Variants in DEFA4 observed in about 807,000 individuals in gnomAD.
DEFA4 encodes the protein defensin alpha 4.
Under a neutral mutation model 4.4 loss-of-function variants are expected in DEFA4, and 8 were observed. The observed-to-expected ratio is 1.82, with a 90% CI of 1.07 to 3.29. DEFA4 has a LOEUF of 3.29. Ranked by LOEUF, DEFA4 falls within the 30% of genes most tolerant of loss-of-function variation. DEFA4 has a pLI of 0.00. For missense variants in DEFA4, 216 were observed against 127.0 expected (o/e 1.70, Z -3.37); for synonymous variants, 77 against 46.5 (o/e 1.66, Z -2.67).
chr8:6,936,714 C>A lies in DEFA4; in HGVS notation c.172+14G>T. ...CTCTAGACTCGGTAGCTTTTTTATGCTGGCCTCTCTCACCTGAAACCTGAA... is the reference window on the plus strand; with the variant it reads ...CTCTAGACTCGGTAGCTTTTTTATGATGGCCTCTCTCACCTGAAACCTGAA... On this transcript the variant is annotated intron_variant, in intron 2 of 2. Coordinates refer to ENST00000297435, the MANE Select transcript of DEFA4 (RefSeq NM_001925.3). The A allele has an allele frequency of 1.3e-6, 2 of 1,574,278 alleles. No homozygotes were observed. Among genetic ancestry groups the A allele is most frequent in the Non-Finnish European group, 1.7e-6 (2 of 1,155,906 alleles).
At chr8:6,936,593 G>A (rs565828228) in intron 2 of DEFA4, 135 bp downstream of exon 2, 1 of 830,084 alleles carries the variant, frequency 1.2e-6, no homozygotes, top group South Asian at 2.6e-5. Flanking sequence ...ATTCAGTTTG[G>A]AGATAAGAAA....
rs370729964 is a variant in DEFA4 at position 6,935,836 on chromosome 8, A to T, written c.*184T>A. On this transcript the variant is annotated 3_prime_UTR_variant, in exon 3 of 3. Coordinates refer to ENST00000297435, the MANE Select transcript of DEFA4 (RefSeq NM_001925.3). ...AAACAAAGACATCTTGTTACGAGATATATATTTAGGATCAAGAAAGATGTT... is the reference window on the plus strand; with the variant it reads ...AAACAAAGACATCTTGTTACGAGATTTATATTTAGGATCAAGAAAGATGTT... 10 of 723,336 alleles carry T rather than the reference A, an allele frequency of 1.4e-5. No individual in the cohort carries two copies. Among genetic ancestry groups the T allele is most frequent in the East Asian group, 5.3e-5 (2 of 38,024 alleles). 44.8% of individuals were successfully genotyped at this position (723,336 alleles called of 1,614,324 possible). A position where few individuals can be genotyped will look rare whatever the true frequency, so the allele number is the denominator to read the frequency against.
Position 6,936,126 on chromosome 8 carries a change from A to G in DEFA4, c.188T>C (p.Met63Thr). ...ALQVSGSTRGMVCSCRLVFCR... is the reference protein window; with the variant it reads ...ALQVSGSTRGTVCSCRLVFCR... ...GAATACTAATCTGCAAGAGCAGACC[A>G]TGCCCCTTGTTGAGCCTGGGAACAC... Residue 63 changes from methionine (M) to threonine (T), a missense_variant, in exon 3 of 3, where the codon ATG becomes ACG. Physicochemically the swap from Met to Thr is moderately conservative, Grantham distance 81 (BLOSUM62 -1). Coordinates refer to ENST00000297435, the MANE Select transcript of DEFA4 (RefSeq NM_001925.3). The G allele has an allele frequency of 6.2e-7, 1 of 1,614,012 alleles. No individual in the cohort carries two copies. Among genetic ancestry groups the G allele is most frequent in the Non-Finnish European group, 8.5e-7 (1 of 1,180,018 alleles).
In DEFA4 at chr8:6,936,056, A is replaced by G; in HGVS notation, c.258T>C (p.Gly86=). 1 of 1,614,006 alleles carries G rather than the reference A, an allele frequency of 6.2e-7. No homozygotes were observed. The part of the protein sequence containing the change: ...ELRVGNCLIG[G]VSFTYCCTRV... ...GCGTGCAGCAGTATGTGAAACTCAC[A>G]CCACCAATGAGGCAGTTCCCAACAC... Residue 86 remains glycine (G), a synonymous_variant, in exon 3 of 3, where the codon GGT becomes GGC. Coordinates refer to ENST00000297435, the MANE Select transcript of DEFA4 (RefSeq NM_001925.3).
intron 1 of DEFA4, among the ~76,000 whole-genome samples, chr8:6,937,193 G>A (rs1239509231): frequency 6.6e-6 from 1 of 152,084 alleles, no homozygotes; most frequent in African/African-American, 2.4e-5. Flanking sequence ...CTGTTTTCAG[G>A]AAATACCTAA....
intron 1 of DEFA4, among the ~76,000 whole-genome samples, chr8:6,937,697 C>A (rs1479330401): frequency 6.6e-6 from 1 of 152,064 alleles, no homozygotes; most frequent in Non-Finnish European, 1.5e-5. Flanking sequence ...GATTTCTTGG[C>A]TATGACACCA....
chr8:6,937,467 C>G (rs781579944), intron 1 of DEFA4, among the ~76,000 whole-genome samples: 2 of 152,070 alleles, frequency 1.3e-5, no homozygotes, highest in South Asian at 2.1e-4. Context: ...AGGACAATGA[C>G]CTTATCAGGG....
intron 2 of DEFA4, 28 bp from the exon 3 acceptor site, chr8:6,936,169 T>G: frequency 6.2e-7 from 1 of 1,612,022 alleles, no homozygotes; most frequent in Non-Finnish European, 8.5e-7. Flanking sequence ...GCATGAGAAA[T>G]TAAGCACCAA....
Position 6,936,715 on chromosome 8 carries a change from T to C in DEFA4, c.172+13A>G. On this transcript the variant is annotated intron_variant, in intron 2 of 2. Transcript: ENST00000297435. ...TCTAGACTCGGTAGCTTTTTTATGC[T>C]GGCCTCTCTCACCTGAAACCTGAAG... 6.3e-7 allele frequency: 1 copy of C among 1,577,794 alleles called. No individual in the cohort carries two copies. Among genetic ancestry groups the C allele is most frequent in the Non-Finnish European group, 8.6e-7 (1 of 1,157,660 alleles).
Position 6,936,147 on chromosome 8 carries a change from A to G in DEFA4, c.173-6T>C. On this transcript the variant is annotated splice_region_variant and splice_polypyrimidine_tract_variant and intron_variant, in intron 2 of 2. Coordinates refer to ENST00000297435, the MANE Select transcript of DEFA4 (RefSeq NM_001925.3). ...GACCATGCCCCTTGTTGAGCCTGGG[A>G]ACACAGAGGAAGCATGAGAAATTAA... is the stretch of plus-strand genomic sequence containing the variant. 1.9e-6 allele frequency: 3 copies of G among 1,613,672 alleles called. No homozygotes were observed. Among genetic ancestry groups the G allele is most frequent in the Non-Finnish European group, 2.5e-6 (3 of 1,179,880 alleles).
Position 6,935,877 on chromosome 8 carries a change from G to T in DEFA4, c.*143C>A. ...GAAAGATGTTAAGGACAAAGTATAGGAGAAACAACCATTTCCTGTAGCTCT... is the reference window on the plus strand; with the variant it reads ...GAAAGATGTTAAGGACAAAGTATAGTAGAAACAACCATTTCCTGTAGCTCT... On this transcript the variant is annotated 3_prime_UTR_variant, in exon 3 of 3. Transcript: ENST00000297435. 1.8e-6 allele frequency: 2 copies of T among 1,110,288 alleles called. No individual in the cohort carries two copies. Among genetic ancestry groups the T allele is most frequent in the East Asian group, 4.7e-5 (2 of 42,254 alleles). 68.8% of individuals were successfully genotyped at this position (1,110,288 alleles called of 1,614,324 possible).
At chr8:6,936,966 T>G in intron 1 of DEFA4, 55 bp from the exon 2 acceptor site, 1 of 1,394,592 alleles carries the variant, frequency 7.2e-7, no homozygotes, top group Non-Finnish European at 9.5e-7. Flanking sequence ...CAGCTTGGAT[T>G]TATAGCTTTG....
In DEFA4 at chr8:6,936,063, A is replaced by T. The variant is rs146967029; in HGVS notation, c.251T>A (p.Ile84Asn). The T allele has an allele frequency of 2.5e-6, 4 of 1,613,996 alleles. No individual in the cohort carries two copies. The highest frequency in any genetic ancestry group is 1.1e-5 in the South Asian group (1 of 90,994). Residue 84 changes from isoleucine (I) to asparagine (N), a missense_variant, in exon 3 of 3, where the codon ATT becomes AAT. By Grantham distance (149) the Ile-to-Asn change is moderately radical. Coordinates refer to ENST00000297435, the MANE Select transcript of DEFA4 (RefSeq NM_001925.3). ...RTELRVGNCLIGGVSFTYCCT... is the reference protein window; with the variant it reads ...RTELRVGNCLNGGVSFTYCCT... ...GCAGTATGTGAAACTCACACCACCAATGAGGCAGTTCCCAACACGAAGTTC... is the reference window on the plus strand; with the variant it reads ...GCAGTATGTGAAACTCACACCACCATTGAGGCAGTTCCCAACACGAAGTTC...
chr8:6,937,034 A>G, intron 1 of DEFA4, 123 bp from the exon 2 acceptor site: 1 of 819,950 alleles, frequency 1.2e-6, no homozygotes, highest in Non-Finnish European at 1.8e-6. Flanking sequence ...GGAGGTGTGC[A>G]TTTTGTTAGA....
chr8:6,938,246 G>A lies in DEFA4; in HGVS notation c.-33C>T, dbSNP rs56318310. ...CTTACAGATCCTCAAGCTAGGCAGG[G>A]CGAGCAGAGAGGGCAGACAGCAGTC... On this transcript the variant is annotated 5_prime_UTR_variant, in exon 1 of 3. Transcript: ENST00000297435. 7,794 of 152,302 alleles carry A rather than the reference G, an allele frequency of 0.051. 315 individuals carry two copies. The highest frequency in any genetic ancestry group is 0.076 in the Non-Finnish European group (5,139 of 68,048). The allele number at this position is 152,302 out of a possible 1,614,324, so 9.4% of individuals were successfully genotyped here.
chr8:6,935,976 G>A lies in DEFA4; in HGVS notation c.*44C>T, dbSNP rs373531935. 57 of 1,611,454 alleles carry A rather than the reference G, an allele frequency of 3.5e-5. No homozygotes were observed. In the African/African-American group the frequency reaches 4.4e-4, roughly 12 times the overall value. On this transcript the variant is annotated 3_prime_UTR_variant, in exon 3 of 3. Coordinates refer to ENST00000297435, the MANE Select transcript of DEFA4 (RefSeq NM_001925.3). ...AGAAGCATGTGAAGCTAACACCACC[G>A]ATGATGGCGTTCCCAGCATGACATT...
Position 6,936,902 on chromosome 8 carries a change from C to G in DEFA4, c.-3G>C. ...GCGAGGAGGGCGATAATCCTCATGG[C>G]TGGGGTGACCTGGAGGAGGGAGAGC... On this transcript the variant is annotated 5_prime_UTR_variant, in exon 2 of 3. Transcript: ENST00000297435. The G allele has an allele frequency of 6.3e-7, 1 of 1,588,828 alleles. No homozygotes were observed. Among genetic ancestry groups the G allele is most frequent in the Non-Finnish European group, 8.6e-7 (1 of 1,165,412 alleles).
At chr8:6,936,974 T>G (rs1038241994) in intron 1 of DEFA4, 63 bp from the exon 2 acceptor site, 2 of 1,351,826 alleles carry the variant, frequency 1.5e-6, no homozygotes, top group African/African-American at 1.5e-5. Context: ...ATTTATAGCT[T>G]TGCTGGGAGA....
Position 6,935,879 on chromosome 8 carries a change from G to T in DEFA4, c.*141C>A. The T allele has an allele frequency of 8.7e-7, 1 of 1,152,562 alleles. No individual in the cohort carries two copies. Among genetic ancestry groups the T allele is most frequent in the Non-Finnish European group, 1.3e-6 (1 of 781,444 alleles). 71.4% of individuals were successfully genotyped at this position (1,152,562 alleles called of 1,614,324 possible). On this transcript the variant is annotated 3_prime_UTR_variant, in exon 3 of 3. Transcript: ENST00000297435. The stretch of plus-strand genomic sequence containing the variant: ...AAGATGTTAAGGACAAAGTATAGGA[G>T]AAACAACCATTTCCTGTAGCTCTCA...
Sources: gnomAD v4.1 joint callset for allele counts (sites outside exome capture counted in the v4.1 genomes callset) on GRCh38, gnomAD v4.1.1 for gene constraint, MANE v1.5 for transcripts, NCBI Gene and HGNC (gene_info 2026-07-23, HGNC 2026-07-21) for gene names.